The following CLMN variants were observed in gnomAD, a reference collection of about 807,000 sequenced individuals.
The protein encoded by CLMN is calmin (calponin-like, transmembrane).
CLMN carries 57 observed loss-of-function variants against 92.7 expected under a neutral mutation model. The observed-to-expected ratio is 0.61, with a 90% CI of 0.50 to 0.77. The LOEUF is 0.77. Among genes scored for constraint, CLMN ranks in the 30% least tolerant of loss-of-function variants. The probability of loss-of-function intolerance (pLI) is 0.00; values close to 1 mark genes in which losing one functional copy is unlikely to be tolerated. For missense variants in CLMN, 1,158 were observed against 1,237.5 expected (o/e 0.94, Z 0.96); for synonymous variants, 466 against 470.6 (o/e 0.99, Z 0.13).
chr14:95,244,941 CCTTGAA>C (rs1190574330), intron 1 of CLMN, among the ~76,000 whole-genome samples: 62 of 149,486 alleles, frequency 4.1e-4, no homozygotes, highest in African/African-American at 1.4e-3. Context: ...GGAAATTCAT[CCTTGAA>C]CTTGAAGTCC....
rs1896571405 is a variant in CLMN, at chr14:95,191,864, C to T, written c.2841-132G>A. 1.3e-6 allele frequency: 1 copy of T among 785,150 alleles called. No individual in the cohort carries two copies. The highest frequency in any genetic ancestry group is 2.0e-6 in the Non-Finnish European group (1 of 503,118). The allele number at this position is 785,150 out of a possible 1,614,324, so 48.6% of individuals were successfully genotyped here. A position where few individuals can be genotyped will look rare whatever the true frequency, so the allele number is the denominator to read the frequency against. On this transcript the variant is annotated intron_variant, in intron 12 of 12. Transcript: ENST00000298912. The surrounding 1 kb of genome is among the most constrained non-coding windows in gnomAD (Gnocchi z 5.3). ...ACCCGAAGGCTCCCCAGCACCATGT[C>T]CAGGTAGGCCCCACACTGTGTGTAC...
Position 95,184,513 on chromosome 14 carries a change from T to C in CLMN, c.*7051A>G, listed in dbSNP as rs1896396659. On this transcript the variant is annotated 3_prime_UTR_variant, in exon 13 of 13. Coordinates refer to ENST00000298912, the MANE Select transcript of CLMN (RefSeq NM_024734.4). Reference sequence around the variant, plus strand: ...GTTGTCTTTTTCCCATAGACAAGAATGTTTTTTGGCATGTTGCTCCAGCCC... The same window carrying C: ...GTTGTCTTTTTCCCATAGACAAGAACGTTTTTTGGCATGTTGCTCCAGCCC... 6.6e-6 allele frequency: 1 copy of C among 152,224 alleles called. No individual in the cohort carries two copies. The highest frequency in any genetic ancestry group is 2.4e-5 in the African/African-American group (1 of 41,452). 9.4% of individuals were successfully genotyped at this position (152,224 alleles called of 1,614,324 possible).
intron 1 of CLMN, among the ~76,000 whole-genome samples, chr14:95,245,077 T>G (rs1227467429): frequency 3.2e-5 from 4 of 123,408 alleles, no homozygotes; most frequent in Non-Finnish European, 6.6e-5. Context: ...TATCTAAATA[T>G]TTGGGCCACA....
chr14:95,206,894 C>T (rs182826373), intron 8 of CLMN, among the ~76,000 whole-genome samples: 168 of 152,066 alleles, frequency 1.1e-3, no homozygotes, highest in Non-Finnish European at 5.0e-4. Context: ...GCCCCAATGC[C>T]TAGTATTTCA....
At chr14:95,243,001 C>T (rs1310802150) in intron 1 of CLMN, among the ~76,000 whole-genome samples, 1 of 152,214 alleles carries the variant, frequency 6.6e-6, no homozygotes, top group East Asian at 1.9e-4. Flanking sequence ...CTTTGAAGGC[C>T]CTATGGTCTT....
At chr14:95,199,140 G>A (rs1195565253) in intron 9 of CLMN, 1 of 150,218 alleles carries the variant, frequency 6.7e-6, no homozygotes. Context: ...CTCCTCCTAG[G>A]GCTTAGGTAG....
chr14:95,316,899 G>A (rs1188888778), intron 1 of CLMN, among the ~76,000 whole-genome samples: 2 of 152,144 alleles, frequency 1.3e-5, no homozygotes, highest in African/African-American at 4.8e-5. Context: ...TGGAGGCCAG[G>A]AATCCCTCTC....
intron 6 of CLMN, among the ~76,000 whole-genome samples, chr14:95,212,070 A>G (rs894617258): frequency 6.6e-6 from 1 of 152,160 alleles, no homozygotes; most frequent in African/African-American, 2.4e-5. Flanking sequence ...ACATTTGTCA[A>G]TTTCAATCTA....
intron 1 of CLMN, among the ~76,000 whole-genome samples, chr14:95,315,758 C>T (rs566546060): frequency 6.6e-6 from 1 of 152,344 alleles, no homozygotes; most frequent in Admixed American, 6.5e-5. Context: ...TGGCCCAAAG[C>T]AGAACTGACC....
At chr14:95,211,090 T>C (rs1212048467) in intron 6 of CLMN, among the ~76,000 whole-genome samples, 1 of 152,178 alleles carries the variant, frequency 6.6e-6, no homozygotes, top group Non-Finnish European at 1.5e-5. Context: ...GGGTATACAC[T>C]GAACAAAGAG....
At chr14:95,275,954 T>C (rs946732232) in intron 1 of CLMN, among the ~76,000 whole-genome samples, 1 of 152,224 alleles carries the variant, frequency 6.6e-6, no homozygotes, top group East Asian at 1.9e-4. Flanking sequence ...TGAGCCACCA[T>C]GCCTGGCCTT....
chr14:95,213,457 C>G, intron 5 of CLMN, 48 bp from the exon 6 acceptor site: 1 of 1,539,700 alleles, frequency 6.5e-7, no homozygotes, highest in Non-Finnish European at 8.8e-7. Flanking sequence ...CCCACCCTCT[C>G]AGCAAGCCCC....
At chr14:95,196,778 A>T in intron 9 of CLMN, 84 bp from the exon 10 acceptor site, 8 of 1,306,382 alleles carry the variant, frequency 6.1e-6, no homozygotes, top group Non-Finnish European at 8.5e-6. Context: ...TGCTCTGCCC[A>T]GGCCCAGCCA....
chr14:95,299,429 C>T (rs376881151), intron 1 of CLMN, among the ~76,000 whole-genome samples: 11 of 152,286 alleles, frequency 7.2e-5, no homozygotes, highest in African/African-American at 2.6e-4. Flanking sequence ...CCAGGGCTTC[C>T]GGCATTCATT....
chr14:95,255,663 T>C (rs529695603), intron 1 of CLMN, among the ~76,000 whole-genome samples: 36 of 152,242 alleles, frequency 2.4e-4, no homozygotes, highest in African/African-American at 8.4e-4. Flanking sequence ...TCGGGTCACC[T>C]TCCTTCCACC....
rs554643147 is a variant in CLMN at position 95,188,327 on chromosome 14, C to T, written c.*3237G>A. On this transcript the variant is annotated 3_prime_UTR_variant, in exon 13 of 13. Coordinates refer to ENST00000298912, the MANE Select transcript of CLMN (RefSeq NM_024734.4). ...GCAGAAAAGACTTCCCCTCAGACCA[C>T]AATCATTAACGTCCACAGAGAGACA... is the stretch of plus-strand genomic sequence containing the variant. 5 of 152,266 alleles carry T rather than the reference C, an allele frequency of 3.3e-5. No homozygotes were observed. Among genetic ancestry groups the T allele is most frequent in the African/African-American group, 1.2e-4 (5 of 41,548 alleles). 9.4% of individuals were successfully genotyped at this position (152,266 alleles called of 1,614,324 possible). A position where few individuals can be genotyped will look rare whatever the true frequency, so the allele number is the denominator to read the frequency against.
rs1899164885 is a variant in CLMN, at chr14:95,259,483, C to T, written c.83-29350G>A. On this transcript the variant is annotated intron_variant, in intron 1 of 12. Transcript: ENST00000298912. This position sits in a 1 kb window ranked among gnomAD's most constrained non-coding sequence, Gnocchi z 4.3. ...AACCCCCACCCACCTCTTCCTGGGCCCCTCCTGGAGTTTCAAGAAACATCT... is the reference window on the plus strand; with the variant it reads ...AACCCCCACCCACCTCTTCCTGGGCTCCTCCTGGAGTTTCAAGAAACATCT... Among the ~76,000 whole-genome samples, 1 of 152,128 alleles carries T rather than the reference C, an allele frequency of 6.6e-6. No homozygotes were observed. The highest frequency in any genetic ancestry group is 1.5e-5 in the Non-Finnish European group (1 of 68,008).
intron 1 of CLMN, among the ~76,000 whole-genome samples, chr14:95,300,387 T>C (rs947937267): frequency 6.6e-6 from 1 of 152,214 alleles, no homozygotes. Context: ...CACAGACCTT[T>C]TGGACTCTCT....
intron 1 of CLMN, among the ~76,000 whole-genome samples, chr14:95,241,135 T>A (rs1428597257): frequency 1.3e-5 from 2 of 152,066 alleles, no homozygotes; most frequent in East Asian, 3.8e-4. Flanking sequence ...TTTGCATTTT[T>A]AAGCCCATCT....
Sources: gnomAD v4.1 joint callset for allele counts (sites outside exome capture counted in the v4.1 genomes callset) on GRCh38, gnomAD v4.1.1 for gene constraint, Gnocchi (gnomAD v3.1) non-coding constraint, MANE v1.5 for transcripts, NCBI Gene and HGNC (gene_info 2026-07-23, HGNC 2026-07-21) for gene names.